Variants in ZNF805 observed in about 807,000 individuals in gnomAD.
The protein encoded by ZNF805 is CTC-444N24.8.
In ZNF805, 7 loss-of-function variants were observed where a neutral mutation model predicts 13.6. That is an observed-to-expected ratio of 0.51 (90% CI 0.29 to 0.97). The LOEUF is 0.97. Among genes scored for constraint, ZNF805 ranks in the 50% least tolerant of loss-of-function variants. The pLI, the probability that ZNF805 is intolerant of heterozygous loss-of-function variation, is 0.08. For synonymous variants in ZNF805, 293 were observed against 279.8 expected (o/e 1.05, Z -0.47); for missense variants, 604 against 771.0 (o/e 0.78, Z 2.57).
chr19:57,255,917 G>C lies in ZNF805; in HGVS notation c.*1214G>C, dbSNP rs2087684635. 6.6e-6 allele frequency among the ~76,000 whole-genome samples: 1 copy of C among 152,090 alleles called. No homozygotes were observed. Among genetic ancestry groups the C allele is most frequent in the Non-Finnish European group, 1.5e-5 (1 of 67,964 alleles). On this transcript the variant is annotated 3_prime_UTR_variant, in exon 4 of 4. Coordinates refer to ENST00000414468, the MANE Select transcript of ZNF805 (RefSeq NM_001023563.4). Reference sequence around the variant, plus strand: ...TATCCATGCCTTGTTCCTGATATTAGGGGGAAATGTTCAGTTTCTCATTAT... The same window carrying C: ...TATCCATGCCTTGTTCCTGATATTACGGGGAAATGTTCAGTTTCTCATTAT...
At chr19:57,245,751 C>A (rs567946831) in intron 2 of ZNF805, among the ~76,000 whole-genome samples, 1 of 151,680 alleles carries the variant, frequency 6.6e-6, no homozygotes, top group Non-Finnish European at 1.5e-5. Context: ...TGCACTCCAG[C>A]CTGGGCGACA....
chr19:57,251,312 T>C lies in ZNF805; in HGVS notation c.254-1761T>C, dbSNP rs141074689. ...TGAAACTATAAGGCCCCTCAATTTT[T>C]GCCGATTAAATGGACACAAAATATT... On this transcript the variant is annotated intron_variant, in intron 3 of 3. Transcript: ENST00000414468. 2.6e-4 allele frequency among the ~76,000 whole-genome samples: 39 copies of C among 152,286 alleles called. No homozygotes were observed. The East Asian group carries it at 4.8e-3, about 19-fold the overall frequency.
At chr19:57,250,588 C>T (rs571303591) in intron 3 of ZNF805, among the ~76,000 whole-genome samples, 1 of 152,318 alleles carries the variant, frequency 6.6e-6, no homozygotes, top group East Asian at 1.9e-4. Flanking sequence ...TGTTAATAGA[C>T]TCCCAAAACT....
intron 2 of ZNF805, among the ~76,000 whole-genome samples, chr19:57,247,079 T>A (rs1196167572): frequency 6.6e-6 from 1 of 151,508 alleles, no homozygotes; most frequent in Non-Finnish European, 1.5e-5. Flanking sequence ...TCTCCCAGAC[T>A]GGAGTGCAGT....
chr19:57,246,838 T>G (rs982179267), intron 2 of ZNF805, among the ~76,000 whole-genome samples: 2 of 151,736 alleles, frequency 1.3e-5, no homozygotes, highest in African/African-American at 4.8e-5. Context: ...TGATTGGGTG[T>G]CTCAGGCCTG....
intron 2 of ZNF805, among the ~76,000 whole-genome samples, chr19:57,247,947 C>T (rs113942809): frequency 0.018 from 2,814 of 152,310 alleles, 96 homozygotes; most frequent in African/African-American, 0.064. Flanking sequence ...TGGCTCACGC[C>T]TGTAATCCTA....
chr19:57,253,743 C>A lies in ZNF805; in HGVS notation c.924C>A (p.Ser308Arg), dbSNP rs771671480. Residue 308 changes from serine (S) to arginine (R), a missense_variant, in exon 4 of 4, where the codon AGC (serine) becomes AGA (arginine). Around this residue, in one of 3 missense-constraint regions of ZNF805, gnomAD observed 327 missense variants for 378.2 expected, o/e 0.86. Coordinates refer to ENST00000414468, the MANE Select transcript of ZNF805 (RefSeq NM_001023563.4). This position sits in a 1 kb window ranked among gnomAD's most constrained non-coding sequence, Gnocchi z 4.4. ...HRSTFVLHNR[S>R]HTGEKPFVCK... Reference sequence around the variant, plus strand: ...CCACTTTTGTCTTGCATAACAGGAGCCACACTGGAGAAAAACCCTTTGTGT... The same window carrying A: ...CCACTTTTGTCTTGCATAACAGGAGACACACTGGAGAAAAACCCTTTGTGT... 4.3e-5 allele frequency: 69 copies of A among 1,613,698 alleles called. No homozygotes were observed. Among genetic ancestry groups the A allele is most frequent in the Admixed American group, 2.8e-4 (17 of 59,970 alleles).
At position 57,258,192 on chromosome 19, in the gene ZNF805, G is replaced by A. The variant is rs1206950590; in HGVS notation, c.*3489G>A. 6.6e-6 allele frequency among the ~76,000 whole-genome samples: 1 copy of A among 151,070 alleles called. No homozygotes were observed. The highest frequency in any genetic ancestry group is 1.5e-5 in the Non-Finnish European group (1 of 67,836). On this transcript the variant is annotated 3_prime_UTR_variant, in exon 4 of 4. Transcript: ENST00000414468. ...TAATTTTTATATTTTTAGTAGAGACGGGGTTTCATCATGTTGGTCAGGCTG... is the reference window on the plus strand; with the variant it reads ...TAATTTTTATATTTTTAGTAGAGACAGGGTTTCATCATGTTGGTCAGGCTG...
chr19:57,249,996 A>G (rs2087641900), intron 3 of ZNF805, among the ~76,000 whole-genome samples: 2 of 152,092 alleles, frequency 1.3e-5, no homozygotes, highest in Non-Finnish European at 2.9e-5. Context: ...TCTCAAAAGC[A>G]CAAAACTCAA....
intron 1 of ZNF805, among the ~76,000 whole-genome samples, chr19:57,242,229 T>C (rs1046073056): frequency 1.3e-5 from 2 of 152,206 alleles, no homozygotes; most frequent in Non-Finnish European, 2.9e-5. Context: ...AGAGCCTTTG[T>C]TTTTACAGAC....
In ZNF805 at chr19:57,259,243, T is replaced by C. The variant is rs981638969; in HGVS notation, c.*4540T>C. 6.6e-6 allele frequency among the ~76,000 whole-genome samples: 1 copy of C among 152,176 alleles called. No homozygotes were observed. Among genetic ancestry groups the C allele is most frequent in the Non-Finnish European group, 1.5e-5 (1 of 68,048 alleles). The stretch of plus-strand genomic sequence containing the variant: ...TTAACCATTATTTCTTGAAATATTT[T>C]TTCATCCCTACTCTTTCTCCTCTCT... On this transcript the variant is annotated 3_prime_UTR_variant, in exon 4 of 4. Coordinates refer to ENST00000414468, the MANE Select transcript of ZNF805 (RefSeq NM_001023563.4).
Position 57,254,614 on chromosome 19 carries a change from A to G in ZNF805, c.1795A>G (p.Thr599Ala), listed in dbSNP as rs746835553. The G allele has an allele frequency of 1.2e-6, 2 of 1,614,110 alleles. No homozygotes were observed. Among genetic ancestry groups the G allele is most frequent in the East Asian group, 2.2e-5 (1 of 44,884 alleles). The change falls in exon 4 of 4, where the codon ACT (threonine) becomes GCT (alanine). Residue 599 changes from threonine (T) to alanine (A), a missense_variant. Thr to Ala is a moderately conservative substitution (Grantham distance 58, BLOSUM62 0). Transcript: ENST00000414468. Reference sequence around the variant, plus strand: ...GGGGAAAAACTTTTTGAATGTCACCACTGAGGAAAATCTTTTGCAAGAGGA... The same window carrying G: ...GGGGAAAAACTTTTTGAATGTCACCGCTGAGGAAAATCTTTTGCAAGAGGA... ...LLGKNFLNVT[T>A]EENLLQEEAS... is the part of the protein sequence containing the mutation.
Position 57,254,744 on chromosome 19 carries a change from G to C in ZNF805, c.*41G>C, listed in dbSNP as rs768233468. 3.2e-6 allele frequency: 5 copies of C among 1,550,656 alleles called. No homozygotes were observed. Among genetic ancestry groups the C allele is most frequent in the Non-Finnish European group, 4.4e-6 (5 of 1,148,508 alleles). On this transcript the variant is annotated 3_prime_UTR_variant, in exon 4 of 4. Coordinates refer to ENST00000414468, the MANE Select transcript of ZNF805 (RefSeq NM_001023563.4). Reference sequence around the variant, plus strand: ...CCAAATGTCATTTGTCACCTAAGGAGTCATATTAGAAAATCACGCAGCTTA... The same window carrying C: ...CCAAATGTCATTTGTCACCTAAGGACTCATATTAGAAAATCACGCAGCTTA...
rs1039209900 is a variant in ZNF805, at chr19:57,259,296, C to A, written c.*4593C>A. On this transcript the variant is annotated 3_prime_UTR_variant, in exon 4 of 4. Coordinates refer to ENST00000414468, the MANE Select transcript of ZNF805 (RefSeq NM_001023563.4). ...GATATGAATGGTAGAGCTTTTGTTA[C>A]TGTCTCAGAGGTCTCTTGTGCTTTC... Among the ~76,000 whole-genome samples, 1 of 152,064 alleles carries A rather than the reference C, an allele frequency of 6.6e-6. No homozygotes were observed. The highest frequency in any genetic ancestry group is 1.5e-5 in the Non-Finnish European group (1 of 68,016).
intron 3 of ZNF805, among the ~76,000 whole-genome samples, chr19:57,252,834 G>T (rs559086850): frequency 6.6e-6 from 1 of 152,118 alleles, no homozygotes; most frequent in Non-Finnish European, 1.5e-5. Flanking sequence ...GAATTGAAGC[G>T]ATATCTCCAC....
rs186198180 is a variant in ZNF805 at position 57,253,917 on chromosome 19, C to T, written c.1098C>T (p.Thr366=). ...SYLMWHQQTH[T]GEKPYECSEC... ...TCATGTGGCACCAGCAGACTCATACCGGGGAGAAGCCCTATGAGTGCAGTG... is the reference window on the plus strand; with the variant it reads ...TCATGTGGCACCAGCAGACTCATACTGGGGAGAAGCCCTATGAGTGCAGTG... Residue 366 remains threonine, a synonymous_variant, in exon 4 of 4, where the codon ACC becomes ACT. Coordinates refer to ENST00000414468, the MANE Select transcript of ZNF805 (RefSeq NM_001023563.4). This position sits in a 1 kb window ranked among gnomAD's most constrained non-coding sequence, Gnocchi z 4.4. 67 of 1,613,736 alleles carry T rather than the reference C, an allele frequency of 4.2e-5. No individual in the cohort carries two copies. The Admixed American group carries it at 5.8e-4, about 14-fold the overall frequency.
Position 57,261,726 on chromosome 19 carries a change from G to C in ZNF805, c.*7023G>C, listed in dbSNP as rs2087725432. 1 of 166,918 alleles carries C rather than the reference G, an allele frequency of 6.0e-6. No individual in the cohort carries two copies. Among genetic ancestry groups the C allele is most frequent in the Non-Finnish European group, 1.5e-5 (1 of 68,106 alleles). The allele number at this position is 166,918 out of a possible 1,614,324, so 10.3% of individuals were successfully genotyped here. ...TAGAAATCATAATAAATGAATGCTG[G>C]AGTCCTCAAGACCCCTTCCAGATTT... On this transcript the variant is annotated 3_prime_UTR_variant, in exon 4 of 4. Transcript: ENST00000414468.
At chr19:57,248,581 T>C (rs769136672) in intron 2 of ZNF805, 24 bp from the exon 3 acceptor site, 14 of 1,543,286 alleles carry the variant, frequency 9.1e-6, no homozygotes, top group Non-Finnish European at 1.2e-5. Context: ...CATCCATGTG[T>C]CCACTTGCTT....
chr19:57,251,358 G>C (rs2087650702), intron 3 of ZNF805, among the ~76,000 whole-genome samples: 1 of 152,088 alleles, frequency 6.6e-6, no homozygotes, highest in Non-Finnish European at 1.5e-5. Flanking sequence ...CTCTTGATTT[G>C]CATTTTCCTC....
Sources: gnomAD v4.1 joint callset for allele counts (sites outside exome capture counted in the v4.1 genomes callset) on GRCh38, gnomAD v4.1.1 for gene constraint, gnomAD v4.1.1 regional missense constraint, Gnocchi (gnomAD v3.1) non-coding constraint, MANE v1.5 for transcripts, NCBI Gene and HGNC (gene_info 2026-07-23, HGNC 2026-07-21) for gene names.